Variants in RARB observed in about 807,000 individuals in gnomAD.
RARB encodes the protein HBV-activated protein.
A neutral mutation model predicts 51.9 loss-of-function variants in RARB; 17 were observed. The ratio of observed to expected loss-of-function variants is 0.33; its 90% CI spans 0.22 to 0.49. The LOEUF (loss-of-function observed/expected upper bound fraction) is 0.49. RARB is among the 20% of genes least tolerant of loss of function. The pLI is 0.99. For missense variants in RARB, 369 were observed against 550.8 expected, an observed-to-expected ratio of 0.67 and a Z score of 3.30; for synonymous variants, 215 against 195.4, an observed-to-expected ratio of 1.10 and a Z score of -0.84.
At chr3:25,462,438 G>C (rs1174433778) in intron 2 of RARB, 1 of 152,076 alleles carries the variant, frequency 6.6e-6, no homozygotes, top group Non-Finnish European at 1.5e-5. Flanking sequence ...CTCTCTGGAT[G>C]GTTGTTTACA....
chr3:25,356,315 A>AG (rs533428963), intron 5 of RARB, among the ~76,000 whole-genome samples: 127 of 152,204 alleles, frequency 8.3e-4, no homozygotes, highest in Admixed American at 1.6e-3. Flanking sequence ...TAACTATAGG[A>AG]GGGAAAAAAA....
chr3:25,329,841 C>A (rs926901751), intron 5 of RARB, among the ~76,000 whole-genome samples: 9 of 152,054 alleles, frequency 5.9e-5, no homozygotes, highest in African/African-American at 2.2e-4. Flanking sequence ...GAGCTAAAAA[C>A]CATGGCACGA....
intron 5 of RARB, among the ~76,000 whole-genome samples, chr3:25,291,807 T>C (rs1703795059): frequency 6.6e-6 from 1 of 152,142 alleles, no homozygotes; most frequent in South Asian, 2.1e-4. Context: ...TTTATTACCC[T>C]TTAAAGATCT....
intron 2 of RARB, among the ~76,000 whole-genome samples, chr3:24,909,563 C>CTT (rs1304213068): frequency 3.9e-4 from 55 of 140,828 alleles, no homozygotes; most frequent in African/African-American, 1.4e-3. Flanking sequence ...TTTTCTTCAT[C>CTT]TTTTTTTTTT....
intron 1 of RARB, among the ~76,000 whole-genome samples, chr3:25,456,213 T>A (rs1047696911): frequency 6.6e-6 from 1 of 152,208 alleles, no homozygotes; most frequent in Non-Finnish European, 1.5e-5. Flanking sequence ...ACTAATAGAT[T>A]ATTGATTTAA....
At chr3:24,917,761 AG>A (rs1695136062) in intron 2 of RARB, among the ~76,000 whole-genome samples, 1 of 152,208 alleles carries the variant, frequency 6.6e-6, no homozygotes, top group Admixed American at 6.5e-5. Flanking sequence ...TCCTGACCTC[AG>A]GTGATCTGCC....
intron 5 of RARB, among the ~76,000 whole-genome samples, chr3:25,384,309 C>T (rs868419546): frequency 6.6e-6 from 1 of 152,082 alleles, no homozygotes; most frequent in East Asian, 1.9e-4. Flanking sequence ...TCTCTTCATC[C>T]CTCCCTCCCT....
In RARB at chr3:25,010,613, C is replaced by T. The variant is rs372191807; in HGVS notation, c.-379-49512C>T. 2.0e-5 allele frequency among the ~76,000 whole-genome samples: 3 copies of T among 152,040 alleles called. No homozygotes were observed. In the East Asian group the frequency reaches 5.8e-4, roughly 29 times the overall value. On this transcript the variant is annotated intron_variant, in intron 2 of 11. Transcript: ENST00000383772. ...TTCTATCTGGTTGCAACAAAGTGGG[C>T]ACTTCCACATTCATTACCTCATTTA...
intron 1 of RARB, among the ~76,000 whole-genome samples, chr3:25,448,908 C>T (rs544932752): frequency 1.3e-5 from 2 of 152,096 alleles, no homozygotes; most frequent in East Asian, 3.9e-4. Flanking sequence ...AATCCCCAGA[C>T]ATCTTGGGAA....
At chr3:24,918,569 C>G (rs1282786285) in intron 2 of RARB, among the ~76,000 whole-genome samples, 1 of 152,132 alleles carries the variant, frequency 6.6e-6, no homozygotes, top group East Asian at 1.9e-4. Context: ...CATCTCAAAG[C>G]TGTTACAAAT....
At position 25,097,079 on chromosome 3, in the gene RARB, T is replaced by A. The variant is rs180689376; in HGVS notation, c.-327-35082T>A. The stretch of plus-strand genomic sequence containing the variant: ...GTTCTTTTGTAGCAATTTAGCTAAA[T>A]GGGTGCAAGTGACTTGAAAGATAGA... On this transcript the variant is annotated intron_variant, in intron 3 of 11. Coordinates refer to the RARB transcript ENST00000383772. 1.2e-4 allele frequency among the ~76,000 whole-genome samples: 19 copies of A among 152,274 alleles called. No homozygotes were observed. The East Asian group carries it at 3.5e-3, about 28-fold the overall frequency.
At chr3:24,847,534 TC>T (rs1323119951) in intron 1 of RARB, among the ~76,000 whole-genome samples, 1 of 152,166 alleles carries the variant, frequency 6.6e-6, no homozygotes, top group African/African-American at 2.4e-5. Context: ...GGCACAATAA[TC>T]CCTAAGTGGC....
At chr3:25,222,574 A>G (rs906324679) in intron 5 of RARB, among the ~76,000 whole-genome samples, 1 of 152,230 alleles carries the variant, frequency 6.6e-6, no homozygotes, top group Admixed American at 6.5e-5. Flanking sequence ...GATATTAAAA[A>G]CAAGGCTAAT....
At chr3:24,980,600 G>A (rs1696638260) in intron 2 of RARB, among the ~76,000 whole-genome samples, 1 of 152,054 alleles carries the variant, frequency 6.6e-6, no homozygotes, top group African/African-American at 2.4e-5. Flanking sequence ...CTCATACTGT[G>A]GTTTTCAGTT....
At chr3:25,335,861 T>C (rs999624659) in intron 5 of RARB, among the ~76,000 whole-genome samples, 3 of 152,224 alleles carry the variant, frequency 2.0e-5, no homozygotes, top group Non-Finnish European at 4.4e-5. Context: ...CAGGAGAACA[T>C]GTAAAGCATT....
At chr3:25,459,852 C>T (rs1459745153) in intron 1 of RARB, among the ~76,000 whole-genome samples, 3 of 152,156 alleles carry the variant, frequency 2.0e-5, no homozygotes, top group African/African-American at 7.2e-5. Flanking sequence ...GATTCTGGAA[C>T]ATTATTTAAC....
chr3:24,941,238 T>G (rs974703395), intron 2 of RARB, among the ~76,000 whole-genome samples: 1 of 152,190 alleles, frequency 6.6e-6, no homozygotes, highest in African/African-American at 2.4e-5. Flanking sequence ...AATGGGGCCT[T>G]CCTTAGCATT....
At chr3:25,339,815 G>T (rs1443104552) in intron 5 of RARB, among the ~76,000 whole-genome samples, 1 of 152,000 alleles carries the variant, frequency 6.6e-6, no homozygotes, top group African/African-American at 2.4e-5. Context: ...CACATATACT[G>T]CAATGCTTGG....
At chr3:25,125,320 C>T (rs1224944736) in intron 3 of RARB, among the ~76,000 whole-genome samples, 2 of 152,102 alleles carry the variant, frequency 1.3e-5, no homozygotes, top group East Asian at 3.9e-4. Flanking sequence ...TTATTATTTG[C>T]CTGGGAGGGT....
Sources: allele counts gnomAD v4.1 joint callset (sites outside exome capture counted in the v4.1 genomes callset), GRCh38; gene constraint gnomAD v4.1.1; transcripts MANE v1.5; gene names NCBI Gene and HGNC (gene_info 2026-07-23, HGNC 2026-07-21).